Variants in XIRP2 observed in about 807,000 individuals in gnomAD.
XIRP2 encodes the protein xin actin binding repeat containing 2.
Under a neutral mutation model 277.0 loss-of-function variants are expected in XIRP2, and 236 were observed. The observed-to-expected ratio is 0.85, with a 90% CI of 0.77 to 0.95. The LOEUF is 0.95. XIRP2 is among the 40% of genes least tolerant of loss of function. The probability of loss-of-function intolerance (pLI) is 0.00; values close to 1 mark genes in which losing one functional copy is unlikely to be tolerated. For synonymous variants in XIRP2, 1,490 were observed against 1,416.5 expected (o/e 1.05, Z -1.17); for missense variants, 4,640 against 4,157.5 (o/e 1.12, Z -3.19).
chr2:167,191,831 G>A (rs1693347230), intron 3 of XIRP2, among the ~76,000 whole-genome samples: 1 of 152,104 alleles, frequency 6.6e-6, no homozygotes, highest in African/African-American at 2.4e-5. Context: ...TAATGCCTTA[G>A]ATAGGTCTGA....
intron 2 of XIRP2, among the ~76,000 whole-genome samples, chr2:167,052,040 G>A (rs149722814): frequency 6.6e-6 from 1 of 151,986 alleles, no homozygotes; most frequent in Non-Finnish European, 1.5e-5. Context: ...TTGAAAACTA[G>A]AGTGACTACT....
intron 5 of XIRP2, among the ~76,000 whole-genome samples, chr2:167,227,480 C>T (rs766263653): frequency 3.9e-5 from 6 of 151,922 alleles, no homozygotes; most frequent in Non-Finnish European, 7.4e-5. Flanking sequence ...GTGGGAGGAT[C>T]GTTTGAGGCC....
intron 2 of XIRP2, among the ~76,000 whole-genome samples, chr2:166,958,014 A>G (rs941207538): frequency 6.6e-6 from 1 of 151,848 alleles, no homozygotes; most frequent in African/African-American, 2.4e-5. Context: ...ACTAATGAAG[A>G]GGAAAAAGCT....
chr2:167,193,323 T>G (rs1693402544), intron 3 of XIRP2, among the ~76,000 whole-genome samples: 1 of 152,212 alleles, frequency 6.6e-6, no homozygotes. Context: ...GCTTCTTGAC[T>G]TTGTCCCTAT....
chr2:166,998,491 G>T (rs1687282607), intron 2 of XIRP2, among the ~76,000 whole-genome samples: 1 of 151,986 alleles, frequency 6.6e-6, no homozygotes, highest in African/African-American at 2.4e-5. Flanking sequence ...CAAAAAATTA[G>T]CTGGGGGTGG....
intron 2 of XIRP2, among the ~76,000 whole-genome samples, chr2:167,026,024 C>G (rs918411982): frequency 8.6e-5 from 13 of 152,036 alleles, no homozygotes; most frequent in Non-Finnish European, 1.3e-4. Context: ...AACTTTCTGT[C>G]TCGTTGATCT....
At chr2:167,208,799 C>A (rs1255360295) in intron 3 of XIRP2, among the ~76,000 whole-genome samples, 5 of 152,130 alleles carry the variant, frequency 3.3e-5, no homozygotes. Flanking sequence ...AGAATGGCAT[C>A]TTTTATGGAT....
At chr2:167,038,103 T>C (rs1339635683) in intron 2 of XIRP2, among the ~76,000 whole-genome samples, 40 of 152,068 alleles carry the variant, frequency 2.6e-4, no homozygotes, top group Non-Finnish European at 1.0e-4. Context: ...TGAATAAATC[T>C]AAAATAATTG....
In XIRP2 at chr2:167,250,703, TTGA is replaced by T. The variant is rs2105448090; in HGVS notation, c.9316_9318del (p.Asp3106del). 6.2e-7 allele frequency: 1 copy of T among 1,613,556 alleles called. No homozygotes were observed. The highest frequency in any genetic ancestry group is 8.5e-7 in the Non-Finnish European group (1 of 1,179,734). On this transcript the variant is annotated inframe_deletion, in exon 9 of 11. Transcript: ENST00000409195. The stretch of plus-strand genomic sequence containing the variant: ...GTGAAAACCCATCAGGAAATTAAAC[TTGA>T]TGATAGCAACATTCCTCCTCCCTCT...
intron 2 of XIRP2, among the ~76,000 whole-genome samples, chr2:166,961,073 C>A (rs750895274): frequency 2.6e-5 from 4 of 151,724 alleles, no homozygotes; most frequent in Admixed American, 6.6e-5. Context: ...CCTCTCTGGG[C>A]TCTGGGCTGT....
chr2:166,931,341 A>G (rs933756806), intron 2 of XIRP2, among the ~76,000 whole-genome samples: 4 of 152,144 alleles, frequency 2.6e-5, no homozygotes, highest in Non-Finnish European at 5.9e-5. Context: ...TGGATTTTAC[A>G]TATTTATATG....
intron 2 of XIRP2, among the ~76,000 whole-genome samples, chr2:167,085,339 T>C (rs1689901130): frequency 6.6e-6 from 1 of 151,788 alleles, no homozygotes; most frequent in Non-Finnish European, 1.5e-5. Context: ...CTTTTACATT[T>C]GCTGAGGAGA....
At chr2:167,177,103 T>C (rs1692870494) in intron 3 of XIRP2, among the ~76,000 whole-genome samples, 1 of 152,212 alleles carries the variant, frequency 6.6e-6, no homozygotes, top group Non-Finnish European at 1.5e-5. Context: ...TAAAAGGATT[T>C]TTAAATGTCA....
At position 167,245,302 on chromosome 2, in the gene XIRP2, G is replaced by A. The variant is rs747197713; in HGVS notation, c.3910G>A (p.Val1304Ile). The change falls in exon 9 of 11, where the codon GTA (valine) becomes ATA (isoleucine). Residue 1304 changes from valine to isoleucine, a missense_variant. Val to Ile is a conservative substitution (Grantham distance 29, BLOSUM62 3). Transcript: ENST00000409195. ...ISTKKTITEE[V>I]IQGDVKSYRM... ...CACCAAGAAAACAATTACTGAAGAA[G>A]TAATACAGGGTGATGTAAAAAGCTA... 5 of 1,613,466 alleles carry A rather than the reference G, an allele frequency of 3.1e-6. No individual in the cohort carries two copies. The highest frequency in any genetic ancestry group is 2.7e-5 in the African/African-American group (2 of 74,860).
At position 166,929,881 on chromosome 2, in the gene XIRP2, C is replaced by G. The variant is rs552233081; in HGVS notation, c.408+25991C>G. Among the ~76,000 whole-genome samples the G allele has an allele frequency of 1.2e-4, 19 of 152,194 alleles. No individual in the cohort carries two copies. The South Asian group carries it at 3.9e-3, about 32-fold the overall frequency. On this transcript the variant is annotated intron_variant, in intron 2 of 10. Transcript: ENST00000409195. ...TTGACAGGAATAAATGATTCTCTGT[C>G]TTGGCACAGGAATATTTAAAAATAT...
At chr2:167,090,551 G>T in intron 2 of XIRP2, among the ~76,000 whole-genome samples, 1 of 151,964 alleles carries the variant, frequency 6.6e-6, no homozygotes, top group East Asian at 1.9e-4. Flanking sequence ...AGTTCATTTT[G>T]TGTTTCTATG....
chr2:166,951,812 A>G (rs78307503), intron 2 of XIRP2, among the ~76,000 whole-genome samples: 1 of 152,160 alleles, frequency 6.6e-6, no homozygotes, highest in East Asian at 2.0e-4. Context: ...CTACACTGAA[A>G]CACTTTTCAT....
chr2:166,975,875 G>A (rs1264638491), intron 2 of XIRP2, among the ~76,000 whole-genome samples: 1 of 137,800 alleles, frequency 7.3e-6, no homozygotes, highest in African/African-American at 2.7e-5. Flanking sequence ...AGCTTGCAGT[G>A]AGCCGAGATC....
At position 167,241,899 on chromosome 2, in the gene XIRP2, A is replaced by C. The variant is rs1303289719; in HGVS notation, c.1165A>C (p.Lys389Gln). ...YSDKEMTTPA[K>Q]QIKTESEYEE... Reference sequence around the variant, plus strand: ...TGACAAAGAGATGACAACCCCAGCCAAGCAGATTAAGGTAAAGTCATTTCT... The same window carrying C: ...TGACAAAGAGATGACAACCCCAGCCCAGCAGATTAAGGTAAAGTCATTTCT... The change falls in exon 8 of 11, where the codon AAG becomes CAG. Residue 389 changes from lysine (K) to glutamine (Q), a missense_variant. Transcript: ENST00000409195. The C allele has an allele frequency of 6.2e-7, 1 of 1,612,738 alleles. No individual in the cohort carries two copies. The highest frequency in any genetic ancestry group is 8.5e-7 in the Non-Finnish European group (1 of 1,179,442).
Sources: allele counts gnomAD v4.1 joint callset (sites outside exome capture counted in the v4.1 genomes callset), GRCh38; gene constraint gnomAD v4.1.1; transcripts MANE v1.5; gene names NCBI Gene and HGNC (gene_info 2026-07-23, HGNC 2026-07-21).